The following BTBD6 variants were observed in gnomAD, a reference collection of about 807,000 sequenced individuals.
The protein encoded by BTBD6 is BTB/POZ domain-containing protein 6.
In BTBD6, 30 loss-of-function variants were observed where a neutral mutation model predicts 40.6. That is an observed-to-expected ratio of 0.74 (90% CI 0.55 to 1.00). BTBD6 has a LOEUF of 1.00. BTBD6 is among the 50% of genes least tolerant of loss of function. BTBD6 has a pLI of 0.00. For missense variants in BTBD6, 698 were observed against 694.6 expected (o/e 1.00, Z -0.06); for synonymous variants, 378 against 308.7 (o/e 1.22, Z -2.35).
In BTBD6 at chr14:105,249,657, A is replaced by C; in HGVS notation, c.602A>C (p.Glu201Ala). 6.2e-7 allele frequency: 1 copy of C among 1,612,410 alleles called. No homozygotes were observed. The highest frequency in any genetic ancestry group is 1.1e-5 in the South Asian group (1 of 91,010). ...LILLKYMYSDEIDLEADTVLA... is the reference protein window; with the variant it reads ...LILLKYMYSDAIDLEADTVLA... ...TCGCCTAGGTACATGTACAGTGATG[A>C]GATCGATCTGGAAGCCGACACGGTG... Residue 201 changes from glutamate (E) to alanine (A), a missense_variant, in exon 4 of 4, where the codon GAG (glutamate) becomes GCG (alanine). By Grantham distance (107) the Glu-to-Ala change is moderately radical (BLOSUM62 -1). Transcript: ENST00000392554.
chr14:105,249,500 G>A (rs747967041), intron 3 of BTBD6, 22 bp downstream of exon 3: 4 of 1,592,462 alleles, frequency 2.5e-6, no homozygotes, highest in East Asian at 4.5e-5. Context: ...CTACTGGGGA[G>A]GGACGGGTGG....
chr14:105,249,452 G>T lies in BTBD6; in HGVS notation c.558G>T (p.Glu186Asp), dbSNP rs1301268627. The T allele has an allele frequency of 6.2e-7, 1 of 1,612,726 alleles. No homozygotes were observed. Among genetic ancestry groups the T allele is most frequent in the African/African-American group, 1.3e-5 (1 of 74,930 alleles). Residue 186 changes from glutamate (E) to aspartate (D), a missense_variant, in exon 3 of 4, where the codon GAG becomes GAT. Transcript: ENST00000392554. ...VKSEIHIPDV[E>D]PAAFLILLKY... Reference sequence around the variant, plus strand: ...CTGAAATTCACATTCCAGACGTGGAGCCCGCAGCCTTTCTGATCCTCTTAA... The same window carrying T: ...CTGAAATTCACATTCCAGACGTGGATCCCGCAGCCTTTCTGATCCTCTTAA...
rs773116835 is a variant in BTBD6 at position 105,249,965 on chromosome 14, G to A, written c.910G>A (p.Ala304Thr). 7 of 1,612,332 alleles carry A rather than the reference G, an allele frequency of 4.3e-6. No individual in the cohort carries two copies. The highest frequency in any genetic ancestry group is 5.9e-6 in the Non-Finnish European group (7 of 1,180,016). The change falls in exon 4 of 4, where the codon GCC becomes ACC. Residue 304 changes from alanine to threonine, a missense_variant. By Grantham distance (58) the Ala-to-Thr change is moderately conservative. Transcript: ENST00000392554. ...CACCAAAGAGGCGGTGGTCTTCGAG[G>A]CCGTCCTGAACTGGGCCGAGGCGGA... ...LNTKEAVVFE[A>T]VLNWAEAECK...
rs748632237 is a variant in BTBD6, at chr14:105,249,634, G to A, written c.585-6G>A. ...CAGCCCCTGACGCGGGCCCTGCCTC[G>A]CCTAGGTACATGTACAGTGATGAGA... is the stretch of plus-strand genomic sequence containing the variant. On this transcript the variant is annotated splice_region_variant and splice_polypyrimidine_tract_variant and intron_variant, in intron 3 of 3. Coordinates refer to ENST00000392554, the MANE Select transcript of BTBD6 (RefSeq NM_001387567.1). 1.6e-5 allele frequency: 25 copies of A among 1,601,984 alleles called. No individual in the cohort carries two copies. The highest frequency in any genetic ancestry group is 4.5e-5 in the East Asian group (2 of 44,686).
Position 105,250,396 on chromosome 14 carries a change from C to T in BTBD6, c.1341C>T (p.Leu447=), listed in dbSNP as rs139399681. The change falls in exon 4 of 4, where the codon CTC becomes CTT. Residue 447 remains leucine, a synonymous_variant. Transcript: ENST00000392554. The part of the protein sequence containing the change: ...EYSVKIELKR[L]GVVLAQNLTK... ...GCGTGAAGATTGAGCTCAAGCGGCTCGGGGTGGTTCTGGCTCAGAACTTGA... is the reference window on the plus strand; with the variant it reads ...GCGTGAAGATTGAGCTCAAGCGGCTTGGGGTGGTTCTGGCTCAGAACTTGA... 6.2e-6 allele frequency: 10 copies of T among 1,613,804 alleles called. No individual in the cohort carries two copies. Among genetic ancestry groups the T allele is most frequent in the East Asian group, 4.5e-5 (2 of 44,878 alleles).
At position 105,249,176 on chromosome 14, in the gene BTBD6, A is replaced by T. The variant is rs756205198; in HGVS notation, c.394A>T (p.Asn132Tyr). The T allele has an allele frequency of 6.3e-7, 1 of 1,585,668 alleles. No individual in the cohort carries two copies. The highest frequency in any genetic ancestry group is 8.5e-7 in the Non-Finnish European group (1 of 1,173,226). Reference protein sequence around the residue: ...LRERNALMFNNELMADVHFVV... With the variant: ...LRERNALMFNYELMADVHFVV... ...TTGCAGGAACGCGCTCATGTTCAAC[A>T]ACGAGCTCATGGCCGACGTGCACTT... Residue 132 changes from asparagine to tyrosine, a missense_variant, in exon 2 of 4, where the codon AAC becomes TAC. Coordinates refer to ENST00000392554, the MANE Select transcript of BTBD6 (RefSeq NM_001387567.1).
Position 105,250,872 on chromosome 14 carries a change from G to A in BTBD6, c.*200G>A. 7 of 620,738 alleles carry A rather than the reference G, an allele frequency of 1.1e-5. No homozygotes were observed. The highest frequency in any genetic ancestry group is 1.8e-5 in the African/African-American group (1 of 54,070). 38.5% of individuals were successfully genotyped at this position (620,738 alleles called of 1,614,324 possible). ...GTCTTAGGCATCTCTGGTACAGTGG[G>A]GTGCACGTCTCAGGTGGAGGAAGAT... On this transcript the variant is annotated 3_prime_UTR_variant, in exon 4 of 4. Transcript: ENST00000392554.
rs763889779 is a variant in BTBD6 at position 105,249,239 on chromosome 14, GC to G, written c.460del (p.His154ThrfsTer38). The G allele has an allele frequency of 1.3e-6, 2 of 1,580,008 alleles. No homozygotes were observed. The highest frequency in any genetic ancestry group is 1.7e-6 in the Non-Finnish European group (2 of 1,168,482). On this transcript the variant is annotated frameshift_variant, in exon 2 of 4. Coordinates refer to ENST00000392554, the MANE Select transcript of BTBD6 (RefSeq NM_001387567.1). LOFTEE classifies it high-confidence loss of function. ...GPPGATRTVPAHKYVLAVGSS... is the reference protein window; with the variant it reads ...GPPGATRTVPXHKYVLAVGSS... ...CCCGGGGGCGACCAGGACGGTGCCC[GC>G]CCACAAGGTGGGTAGCGGCGGCCCC... is the stretch of plus-strand genomic sequence containing the variant.
Position 105,249,958 on chromosome 14 carries a change from C to G in BTBD6, c.903C>G (p.Val301=). 3.1e-6 allele frequency: 5 copies of G among 1,612,220 alleles called. No individual in the cohort carries two copies. Among genetic ancestry groups the G allele is most frequent in the Non-Finnish European group, 4.2e-6 (5 of 1,180,024 alleles). The stretch of plus-strand genomic sequence containing the variant: ...CCCTCAACACCAAAGAGGCGGTGGT[C>G]TTCGAGGCCGTCCTGAACTGGGCCG... ...REALNTKEAV[V]FEAVLNWAEA... The change falls in exon 4 of 4, where the codon GTC becomes GTG. Residue 301 remains valine, a synonymous_variant. Coordinates refer to ENST00000392554, the MANE Select transcript of BTBD6 (RefSeq NM_001387567.1).
Position 105,249,629 on chromosome 14 carries a change from G to T in BTBD6, c.585-11G>T, listed in dbSNP as rs768717545. The T allele has an allele frequency of 2.5e-6, 4 of 1,599,434 alleles. No individual in the cohort carries two copies. The East Asian group carries it at 9.0e-5, about 36-fold the overall frequency. On this transcript the variant is annotated splice_polypyrimidine_tract_variant and intron_variant, in intron 3 of 3. Transcript: ENST00000392554. ...GGAGCCAGCCCCTGACGCGGGCCCT[G>T]CCTCGCCTAGGTACATGTACAGTGA...
chr14:105,249,097 CCCCGCGGCCCCCGCGCCCGCGCGCG>C lies in BTBD6; in HGVS notation c.374+16_375-32del, dbSNP rs752621230. The C allele has an allele frequency of 1.3e-6, 2 of 1,486,088 alleles. No homozygotes were observed. Among genetic ancestry groups the C allele is most frequent in the East Asian group, 5.5e-5 (2 of 36,562 alleles). The allele number at this position is 1,486,088 out of a possible 1,614,324, so 92.1% of individuals were successfully genotyped here. A position where few individuals can be genotyped will look rare whatever the true frequency, so the allele number is the denominator to read the frequency against. On this transcript the variant is annotated intron_variant, in intron 1 of 3. Coordinates refer to ENST00000392554, the MANE Select transcript of BTBD6 (RefSeq NM_001387567.1). ...ACGCTGCGCGAGAGGTGAGCCCGTG[CCCCGCGGCCCCCGCGCCCGCGCGCG>C]CCCACGCCCCCAGCCCGTGCCTCTA...
Position 105,249,278 on chromosome 14 carries a change from T to TGCCCCGTCC in BTBD6, c.465+44_465+52dup, listed in dbSNP as rs753452209. 1.0e-4 allele frequency: 163 copies of TGCCCCGTCC among 1,564,946 alleles called. 1 individual carries two copies. In the Middle Eastern group the frequency reaches 1.8e-3, roughly 17 times the overall value. On this transcript the variant is annotated intron_variant, in intron 2 of 3. Coordinates refer to ENST00000392554, the MANE Select transcript of BTBD6 (RefSeq NM_001387567.1). ...TAGCGGCGGCCCCTCTCGGAACGCG[T>TGCCCCGTCC]GCCCCGTCCGCCCCGTCCGCCGTGT...
Position 105,248,574 on chromosome 14 carries a change from CGGG to C in BTBD6, c.-137_-135del. The C allele has an allele frequency of 1.2e-5, 1 of 82,614 alleles. No individual in the cohort carries two copies. Among genetic ancestry groups the C allele is most frequent in the Non-Finnish European group, 1.4e-5 (1 of 70,884 alleles). 5.1% of individuals were successfully genotyped at this position (82,614 alleles called of 1,614,324 possible). ...GCGCCGCGGCGGGTACGGGCTCGGG[CGGG>C]CGGGCGGGCGGGACGGCGCCCCCCG... On this transcript the variant is annotated 5_prime_UTR_variant, in exon 1 of 4. Coordinates refer to ENST00000392554, the MANE Select transcript of BTBD6 (RefSeq NM_001387567.1).
chr14:105,250,701 CGAGT>C lies in BTBD6; in HGVS notation c.*35_*38del. On this transcript the variant is annotated 3_prime_UTR_variant, in exon 4 of 4. Coordinates refer to ENST00000392554, the MANE Select transcript of BTBD6 (RefSeq NM_001387567.1). ...GCCCGGGGAGGCTGCAGCAGGTCAG[CGAGT>C]GAGTGGAGGGGAAGTCAAGATGCTA... 1 of 1,583,926 alleles carries C rather than the reference CGAGT, an allele frequency of 6.3e-7. No individual in the cohort carries two copies. The highest frequency in any genetic ancestry group is 8.6e-7 in the Non-Finnish European group (1 of 1,161,662).
chr14:105,249,211 GC>G lies in BTBD6; in HGVS notation c.434del (p.Pro145ArgfsTer47). ...LMADVHFVVG[P>X]PGATRTVPAH... ...TGGCCGACGTGCACTTCGTCGTGGG[GC>G]CCCCGGGGGCGACCAGGACGGTGCC... On this transcript the variant is annotated frameshift_variant, in exon 2 of 4. Coordinates refer to ENST00000392554, the MANE Select transcript of BTBD6 (RefSeq NM_001387567.1). LOFTEE classifies it high-confidence loss of function. The G allele has an allele frequency of 6.3e-7, 1 of 1,587,854 alleles. No individual in the cohort carries two copies. Among genetic ancestry groups the G allele is most frequent in the Non-Finnish European group, 8.5e-7 (1 of 1,173,812 alleles).
intron 2 of BTBD6, 33 bp downstream of exon 2, chr14:105,249,280 C>T: frequency 3.9e-6 from 6 of 1,553,750 alleles, no homozygotes; most frequent in Non-Finnish European, 5.2e-6. Context: ...GGAACGCGTG[C>T]CCCGTCCGCC....
chr14:105,249,199 C>T lies in BTBD6; in HGVS notation c.417C>T (p.His139=), dbSNP rs995018747. The change falls in exon 2 of 4, where the codon CAC becomes CAT. Residue 139 remains histidine (H), a synonymous_variant. Transcript: ENST00000392554. Reference sequence around the variant, plus strand: ...ACAACGAGCTCATGGCCGACGTGCACTTCGTCGTGGGGCCCCCGGGGGCGA... The same window carrying T: ...ACAACGAGCTCATGGCCGACGTGCATTTCGTCGTGGGGCCCCCGGGGGCGA... ...MFNNELMADV[H]FVVGPPGATR... The T allele has an allele frequency of 1.3e-6, 2 of 1,589,174 alleles. No individual in the cohort carries two copies. Among genetic ancestry groups the T allele is most frequent in the Non-Finnish European group, 1.7e-6 (2 of 1,174,626 alleles).
At position 105,250,792 on chromosome 14, in the gene BTBD6, C is replaced by T. The variant is rs902382525; in HGVS notation, c.*120C>T. ...TTGTCTCTCTTTGACATGTAGTCAG[C>T]TGAAGCTTGACTGTGTAGAGACATT... On this transcript the variant is annotated 3_prime_UTR_variant, in exon 4 of 4. Coordinates refer to ENST00000392554, the MANE Select transcript of BTBD6 (RefSeq NM_001387567.1). 1.5e-5 allele frequency: 16 copies of T among 1,082,662 alleles called. No individual in the cohort carries two copies. Among genetic ancestry groups the T allele is most frequent in the Non-Finnish European group, 2.1e-5 (16 of 758,794 alleles). The allele number at this position is 1,082,662 out of a possible 1,614,324, so 67.1% of individuals were successfully genotyped here.
chr14:105,250,882 T>G lies in BTBD6; in HGVS notation c.*210T>G, dbSNP rs587770466. 1.3e-5 allele frequency: 8 copies of G among 598,312 alleles called. No individual in the cohort carries two copies. The highest frequency in any genetic ancestry group is 1.3e-4 in the African/African-American group (7 of 53,678). 37.1% of individuals were successfully genotyped at this position (598,312 alleles called of 1,614,324 possible). The stretch of plus-strand genomic sequence containing the variant: ...TCTCTGGTACAGTGGGGTGCACGTC[T>G]CAGGTGGAGGAAGATTTACGGCTCA... On this transcript the variant is annotated 3_prime_UTR_variant, in exon 4 of 4. Transcript: ENST00000392554.
Sources: allele counts gnomAD v4.1 joint callset, GRCh38; gene constraint gnomAD v4.1.1; transcripts MANE v1.5; gene names NCBI Gene and HGNC (gene_info 2026-07-23, HGNC 2026-07-21).